EML6: variants seen among roughly 807,000 people sequenced by gnomAD.
The protein encoded by EML6 is EMAP like 6, also known as echinoderm microtubule-associated protein-like 6.
A neutral mutation model predicts 240.1 loss-of-function variants in EML6; 154 were observed. The observed-to-expected ratio is 0.64, with a 90% CI of 0.56 to 0.73. The LOEUF is 0.73. EML6 is among the 30% of genes least tolerant of loss of function. The probability of loss-of-function intolerance (pLI) is 0.00; values close to 1 mark genes in which losing one functional copy is unlikely to be tolerated. For missense variants in EML6, 2,964 were observed against 2,474.6 expected, an observed-to-expected ratio of 1.20 and a Z score of -4.20; for synonymous variants, 1,148 against 899.0, an observed-to-expected ratio of 1.28 and a Z score of -4.95.
At position 54,725,890 on chromosome 2, in the gene EML6, A is replaced by C. The variant is rs997073256; in HGVS notation, c.197+632A>C. ...AAAGGCTGGCAGCTGCTGGATCACA[A>C]AATCCTACCAGCCAGCCCACACAAT... On this transcript the variant is annotated intron_variant, in intron 2 of 41. Transcript: ENST00000356458. This position sits in a 1 kb window ranked among gnomAD's most constrained non-coding sequence, Gnocchi z 4.3. Among the ~76,000 whole-genome samples the C allele has an allele frequency of 1.3e-5, 2 of 152,184 alleles. No individual in the cohort carries two copies. The highest frequency in any genetic ancestry group is 2.4e-5 in the African/African-American group (1 of 41,434).
intron 7 of EML6, among the ~76,000 whole-genome samples, chr2:54,838,339 G>A (rs1479430281): frequency 6.6e-6 from 1 of 152,150 alleles, no homozygotes; most frequent in East Asian, 1.9e-4. Flanking sequence ...CCAGACACTG[G>A]GTCATGTGTT....
intron 2 of EML6, among the ~76,000 whole-genome samples, chr2:54,789,996 A>G (rs1250583385): frequency 6.6e-6 from 1 of 152,208 alleles, no homozygotes; most frequent in Non-Finnish European, 1.5e-5. Context: ...TGCAATGCGT[A>G]TATGTGTTGT....
intron 7 of EML6, among the ~76,000 whole-genome samples, chr2:54,837,666 C>T (rs1276506297): frequency 1.3e-5 from 2 of 152,184 alleles, no homozygotes; most frequent in South Asian, 4.1e-4. Flanking sequence ...AGCTGGTGAC[C>T]TGCTGGGCAC....
intron 2 of EML6, among the ~76,000 whole-genome samples, chr2:54,796,171 ATATC>A (rs753885539): frequency 6.6e-6 from 1 of 152,222 alleles, no homozygotes; most frequent in Admixed American, 6.5e-5. Context: ...CCAAGATATC[ATATC>A]TATCTATGAC....
intron 3 of EML6, among the ~76,000 whole-genome samples, chr2:54,815,495 T>C (rs1299116811): frequency 6.6e-6 from 1 of 152,228 alleles, no homozygotes; most frequent in African/African-American, 2.4e-5. Flanking sequence ...CTTTCAGCTT[T>C]TTCTCCATCA....
intron 2 of EML6, among the ~76,000 whole-genome samples, chr2:54,760,040 A>G (rs373854414): frequency 5.9e-5 from 9 of 151,924 alleles, no homozygotes; most frequent in African/African-American, 1.9e-4. Context: ...TGATGCATTA[A>G]GAATGTTAGT....
rs185765175 is a variant in EML6 at position 54,949,981 on chromosome 2, C to A, written c.4084-669C>A. Among the ~76,000 whole-genome samples, 380 of 152,312 alleles carry A rather than the reference C, an allele frequency of 2.5e-3. 2 individuals carry two copies. The highest frequency in any genetic ancestry group is 8.5e-3 in the African/African-American group (352 of 41,566). ...CTCACCCTAAACCTTCCTGCAGTTC[C>A]CTGCCCACACCCCATCCTTCCACCT... On this transcript the variant is annotated intron_variant, in intron 29 of 41. Transcript: ENST00000356458.
chr2:54,822,748 C>G (rs114193938), intron 5 of EML6, among the ~76,000 whole-genome samples: 5 of 152,008 alleles, frequency 3.3e-5, no homozygotes, highest in African/African-American at 4.8e-5. Context: ...AAGCAGTTAT[C>G]TCTGGGTAAT....
At chr2:54,814,666 A>G (rs1274218768) in intron 3 of EML6, among the ~76,000 whole-genome samples, 1 of 152,220 alleles carries the variant, frequency 6.6e-6, no homozygotes, top group African/African-American at 2.4e-5. Flanking sequence ...GGCTTAACTG[A>G]AAGTCTGTGG....
At chr2:54,861,969 C>T (rs954726054) in intron 12 of EML6, among the ~76,000 whole-genome samples, 1 of 152,022 alleles carries the variant, frequency 6.6e-6, no homozygotes, top group Non-Finnish European at 1.5e-5. Flanking sequence ...AATATAAGAA[C>T]AAATTGAGAA....
chr2:54,905,378 A>ACACACACACAC (rs1558670758), intron 24 of EML6, among the ~76,000 whole-genome samples: 9 of 145,158 alleles, frequency 6.2e-5, no homozygotes, highest in East Asian at 2.0e-4. Context: ...ACACACACAC[A>ACACACACACAC]AAATACCTGA....
At chr2:54,830,884 T>G (rs1366910892) in intron 7 of EML6, among the ~76,000 whole-genome samples, 1 of 152,180 alleles carries the variant, frequency 6.6e-6, no homozygotes, top group Non-Finnish European at 1.5e-5. Context: ...GATGCTGGTG[T>G]GCATACGTTT....
At chr2:54,946,177 C>G (rs185389637) in intron 28 of EML6, among the ~76,000 whole-genome samples, 1 of 152,182 alleles carries the variant, frequency 6.6e-6, no homozygotes, top group Non-Finnish European at 1.5e-5. Flanking sequence ...AATGGAAGCT[C>G]TTTCTCCTTT....
At position 54,968,754 on chromosome 2, in the gene EML6, A is replaced by C. The variant is rs1327185365; in HGVS notation, c.5838A>C (p.Gly1946=). The C allele has an allele frequency of 1.3e-6, 2 of 1,538,678 alleles. No homozygotes were observed. The highest frequency in any genetic ancestry group is 4.9e-5 in the East Asian group (2 of 40,856). ...SYDDKYVVST[G]GDDCSVFVWR... is the part of the protein sequence containing the mutation. ...ATGACAAGTATGTGGTCAGCACTGGAGGAGACGACTGCAGGTACTAACGTA... is the reference window on the plus strand; with the variant it reads ...ATGACAAGTATGTGGTCAGCACTGGCGGAGACGACTGCAGGTACTAACGTA... Residue 1946 remains glycine (G), a synonymous_variant, in exon 41 of 42, where the codon GGA becomes GGC. Transcript: ENST00000356458.
chr2:54,763,264 A>C (rs1030222559), intron 2 of EML6, among the ~76,000 whole-genome samples: 5 of 152,224 alleles, frequency 3.3e-5, no homozygotes, highest in African/African-American at 1.2e-4. Context: ...TCAAAGTTCT[A>C]TGTTCAGAAG....
In EML6 at chr2:54,935,150, C is replaced by G. The variant is rs369418700; in HGVS notation, c.4004+6399C>G. ...TTAGGTTGTCACGTTTGGTCTTTAG[C>G]AGACACTCCTTTGGTTGGGTGTACG... On this transcript the variant is annotated intron_variant, in intron 28 of 41. Transcript: ENST00000356458. Among the ~76,000 whole-genome samples the G allele has an allele frequency of 4.6e-5, 7 of 152,296 alleles. No individual in the cohort carries two copies. The East Asian group carries it at 1.2e-3, about 25-fold the overall frequency.
Position 54,895,331 on chromosome 2 carries a change from C to A in EML6, c.2913C>A (p.Ile971=). The A allele has an allele frequency of 6.4e-7, 1 of 1,551,886 alleles. No individual in the cohort carries two copies. The highest frequency in any genetic ancestry group is 8.7e-7 in the Non-Finnish European group (1 of 1,146,938). ...IRAITLGHGH[I]LVGTKNGEIL... ...CCATCACTTTGGGACATGGACATAT[C>A]CTGGTGGGAACAAAAAATGGAGAGA... Residue 971 remains isoleucine, a synonymous_variant, in exon 21 of 42, where the codon ATC becomes ATA. Coordinates refer to ENST00000356458, the MANE Select transcript of EML6 (RefSeq NM_001039753.4).
intron 25 of EML6, among the ~76,000 whole-genome samples, chr2:54,916,154 T>C (rs73938660): frequency 3.2e-4 from 48 of 152,252 alleles, no homozygotes; most frequent in Non-Finnish European, 4.4e-4. Context: ...CAGAATCTTA[T>C]TACTTTTTCC....
intron 32 of EML6, 71 bp from the exon 33 acceptor site, chr2:54,957,719 C>T: frequency 2.1e-6 from 3 of 1,419,232 alleles, no homozygotes; most frequent in Non-Finnish European, 1.9e-6. Flanking sequence ...TGGAGACCTC[C>T]TGGGCTGCGG....
Sources: allele counts gnomAD v4.1 joint callset (sites outside exome capture counted in the v4.1 genomes callset), GRCh38; gene constraint gnomAD v4.1.1; non-coding constraint Gnocchi (gnomAD v3.1); transcripts MANE v1.5; gene names NCBI Gene and HGNC (gene_info 2026-07-23, HGNC 2026-07-21).